SEMA6A: variants seen among roughly 807,000 people sequenced by gnomAD.
SEMA6A encodes the protein semaphorin-6A.
SEMA6A carries 25 observed loss-of-function variants against 96.8 expected under a neutral mutation model. That is an observed-to-expected ratio of 0.26 (90% CI 0.19 to 0.36). The LOEUF (loss-of-function observed/expected upper bound fraction) is 0.36. SEMA6A is among the 10% of genes least tolerant of loss of function. SEMA6A has a pLI of 1.00. For missense variants in SEMA6A, 1,363 were observed against 1,323.1 expected, an observed-to-expected ratio of 1.03 and a Z score of -0.47; for synonymous variants, 612 against 518.0, an observed-to-expected ratio of 1.18 and a Z score of -2.46.
intron 6 of SEMA6A, among the ~76,000 whole-genome samples, chr5:116,494,939 C>CA (rs1561495802): frequency 2.4e-5 from 3 of 122,870 alleles, no homozygotes; most frequent in Non-Finnish European, 5.6e-5. Flanking sequence ...TAAGCAAGGC[C>CA]GTGGTCAAGA....
intron 9 of SEMA6A, among the ~76,000 whole-genome samples, chr5:116,487,563 T>A (rs1164429515): frequency 2.6e-5 from 4 of 152,034 alleles, no homozygotes; most frequent in African/African-American, 9.7e-5. Flanking sequence ...AAACCACATC[T>A]CAAGACACTT....
chr5:116,525,478 T>C (rs899494183), intron 1 of SEMA6A, among the ~76,000 whole-genome samples: 1 of 152,182 alleles, frequency 6.6e-6, no homozygotes, highest in Non-Finnish European at 1.5e-5. Flanking sequence ...CTTTCAGCAT[T>C]TTGAATTTTG....
chr5:116,494,713 A>G (rs1757497437), intron 6 of SEMA6A, among the ~76,000 whole-genome samples: 1 of 152,222 alleles, frequency 6.6e-6, no homozygotes, highest in Admixed American at 6.5e-5. Flanking sequence ...GCCACAGTAG[A>G]AACACAGTAC....
intron 2 of SEMA6A, chr5:116,502,548 C>T: frequency 2.0e-6 from 1 of 489,816 alleles, no homozygotes; most frequent in East Asian, 3.4e-5. Flanking sequence ...TAATTATAAG[C>T]CTGGATTTAT....
chr5:116,529,793 G>A (rs112532727), intron 1 of SEMA6A, among the ~76,000 whole-genome samples: 2,141 of 152,240 alleles, frequency 0.014, 33 homozygotes, highest in Middle Eastern at 0.048. Flanking sequence ...CAGACACTGA[G>A]TACACATGGA....
intron 10 of SEMA6A, chr5:116,486,520 T>C (rs1757056034): frequency 1.0e-5 from 5 of 500,918 alleles, no homozygotes; most frequent in South Asian, 5.6e-5. Flanking sequence ...CTTATATAAA[T>C]AGAAGATATT....
At position 116,477,915 on chromosome 5, in the gene SEMA6A, G is replaced by A; in HGVS notation, c.1580C>T (p.Ala527Val). Residue 527 changes from alanine (A) to valine (V), a missense_variant, in exon 15 of 19, where the codon GCC (alanine) becomes GTC (valine). Physicochemically the swap from Ala to Val is moderately conservative, Grantham distance 64. Transcript: ENST00000343348. ...CCATCCACAATATGGGTCTCTGGAGGCAATACAGGTTCTGCAGGAAGAGGA... is the reference window on the plus strand; with the variant it reads ...CCATCCACAATATGGGTCTCTGGAGACAATACAGGTTCTGCAGGAAGAGGA... ...RHGKCKKTCIASRDPYCGWIK... is the reference protein window; with the variant it reads ...RHGKCKKTCIVSRDPYCGWIK... The A allele has an allele frequency of 6.2e-7, 1 of 1,613,980 alleles. No individual in the cohort carries two copies. Among genetic ancestry groups the A allele is most frequent in the Non-Finnish European group, 8.5e-7 (1 of 1,179,856 alleles).
At chr5:116,463,104 G>C (rs531725909) in intron 18 of SEMA6A, among the ~76,000 whole-genome samples, 2 of 152,184 alleles carry the variant, frequency 1.3e-5, no homozygotes, top group South Asian at 4.1e-4. Context: ...CAAAGCCCCA[G>C]TGTAAACCCT....
At chr5:116,518,328 T>C (rs960962878) in intron 1 of SEMA6A, among the ~76,000 whole-genome samples, 4 of 152,206 alleles carry the variant, frequency 2.6e-5, no homozygotes, top group African/African-American at 9.6e-5. Flanking sequence ...AAATGGTTAA[T>C]ATCAGATAAC....
chr5:116,549,724 T>C (rs1392265756), intron 1 of SEMA6A, among the ~76,000 whole-genome samples: 1 of 152,208 alleles, frequency 6.6e-6, no homozygotes, highest in Non-Finnish European at 1.5e-5. Context: ...GAATGCAGTA[T>C]ACTCTTTATA....
At chr5:116,561,258 T>C (rs1007577099) in intron 1 of SEMA6A, among the ~76,000 whole-genome samples, 3 of 152,250 alleles carry the variant, frequency 2.0e-5, no homozygotes, top group African/African-American at 7.2e-5. Flanking sequence ...TAGTCTTTAT[T>C]ATTAATAATA....
chr5:116,502,162 TG>T (rs748895092), intron 3 of SEMA6A, 47 bp downstream of exon 3: 67 of 1,483,024 alleles, frequency 4.5e-5, no homozygotes, highest in Non-Finnish European at 6.3e-5. Flanking sequence ...TTTAGGACCT[TG>T]GGCTTTTGGA....
At chr5:116,509,463 G>A in intron 1 of SEMA6A, among the ~76,000 whole-genome samples, 1 of 152,190 alleles carries the variant, frequency 6.6e-6, no homozygotes, top group East Asian at 1.9e-4. Flanking sequence ...CCTTGGGCAA[G>A]TTAGTCAGCC....
intron 1 of SEMA6A, among the ~76,000 whole-genome samples, chr5:116,532,446 C>A (rs1360629978): frequency 6.6e-6 from 1 of 152,156 alleles, no homozygotes; most frequent in Non-Finnish European, 1.5e-5. Flanking sequence ...AAATGTAACT[C>A]CATGTTTACT....
At chr5:116,495,818 A>T (rs1030204289) in intron 5 of SEMA6A, 1 of 373,228 alleles carries the variant, frequency 2.7e-6, no homozygotes, top group African/African-American at 2.1e-5. Flanking sequence ...CAGATGCTCC[A>T]GCGTTCCCTG....
At chr5:116,494,603 T>A (rs1183220220) in intron 6 of SEMA6A, among the ~76,000 whole-genome samples, 1 of 152,182 alleles carries the variant, frequency 6.6e-6, no homozygotes, top group East Asian at 1.9e-4. Flanking sequence ...TTGCATGATG[T>A]CACCATGGCA....
At chr5:116,554,477 T>C (rs1447612436) in intron 1 of SEMA6A, among the ~76,000 whole-genome samples, 1 of 152,162 alleles carries the variant, frequency 6.6e-6, no homozygotes, top group Non-Finnish European at 1.5e-5. Context: ...TGCACAAAAC[T>C]ACATCACAGA....
chr5:116,503,915 C>T (rs1197765697), intron 2 of SEMA6A, among the ~76,000 whole-genome samples: 1 of 152,176 alleles, frequency 6.6e-6, no homozygotes, highest in Non-Finnish European at 1.5e-5. Flanking sequence ...TAGGTGGACT[C>T]TGCTATTTCA....
intron 17 of SEMA6A, chr5:116,471,541 G>T (rs1429850702): frequency 6.6e-6 from 1 of 152,110 alleles, no homozygotes; most frequent in Admixed American, 6.5e-5. Context: ...TTTCCTCAAG[G>T]CAGTCTCAAC....
Sources: allele counts gnomAD v4.1 joint callset (sites outside exome capture counted in the v4.1 genomes callset), GRCh38; gene constraint gnomAD v4.1.1; transcripts MANE v1.5; gene names NCBI Gene and HGNC (gene_info 2026-07-23, HGNC 2026-07-21).